Variants in CA10 observed in about 807,000 individuals in gnomAD.
The protein encoded by CA10 is carbonic anhydrase-related protein 10.
CA10 carries 14 observed loss-of-function variants against 44.2 expected under a neutral mutation model. That is an observed-to-expected ratio of 0.32 (90% CI 0.21 to 0.50). The LOEUF (loss-of-function observed/expected upper bound fraction) is 0.50. CA10 is among the 20% of genes least tolerant of loss of function. The pLI is 0.99. For synonymous variants in CA10, 159 were observed against 141.6 expected (o/e 1.12, Z -0.87); for missense variants, 350 against 409.7 (o/e 0.85, Z 1.26).
chr17:51,782,386 G>T (rs374258301), intron 3 of CA10, among the ~76,000 whole-genome samples: 10 of 152,196 alleles, frequency 6.6e-5, no homozygotes, highest in Admixed American at 1.3e-4. Flanking sequence ...GCTCATCAGT[G>T]AGGTCTCTTT....
At chr17:51,821,329 A>G (rs1358910508) in intron 3 of CA10, among the ~76,000 whole-genome samples, 1 of 151,782 alleles carries the variant, frequency 6.6e-6, no homozygotes, top group Non-Finnish European at 1.5e-5. Context: ...ACAGGTGGAA[A>G]GAGGGAAAGT....
intron 2 of CA10, among the ~76,000 whole-genome samples, chr17:51,980,829 G>A (rs1984628613): frequency 6.6e-6 from 1 of 152,014 alleles, no homozygotes; most frequent in Non-Finnish European, 1.5e-5. Context: ...GATAGTTGTA[G>A]GTGTGCAGCA....
At chr17:51,734,480 T>C (rs750220506) in intron 4 of CA10, among the ~76,000 whole-genome samples, 10 of 152,176 alleles carry the variant, frequency 6.6e-5, no homozygotes, top group Non-Finnish European at 1.5e-4. Context: ...TGTACTATAA[T>C]ATTACAGTTA....
chr17:51,661,490 T>A (rs989918088), intron 4 of CA10: 1 of 152,198 alleles, frequency 6.6e-6, no homozygotes, highest in African/African-American at 2.4e-5. Flanking sequence ...AATTCATAAC[T>A]AATACTCATA....
Position 51,782,283 on chromosome 17 carries a change from T to C in CA10, c.280-34465A>G, listed in dbSNP as rs140838812. Among the ~76,000 whole-genome samples, 309 of 152,356 alleles carry C rather than the reference T, an allele frequency of 2.0e-3. 2 individuals carry two copies. The highest frequency in any genetic ancestry group is 6.8e-3 in the African/African-American group (284 of 41,578). On this transcript the variant is annotated intron_variant, in intron 3 of 8. Transcript: ENST00000451037. Reference sequence around the variant, plus strand: ...AAATGAAAATATTTTTATCTGTTTATATGCTAAGCAGCATTATAACAGCTG... The same window carrying C: ...AAATGAAAATATTTTTATCTGTTTACATGCTAAGCAGCATTATAACAGCTG...
intron 3 of CA10, among the ~76,000 whole-genome samples, chr17:51,890,175 T>C (rs542982302): frequency 6.6e-6 from 1 of 152,344 alleles, no homozygotes; most frequent in East Asian, 1.9e-4. Flanking sequence ...AACTTCTGGT[T>C]GTTGTAACGC....
At chr17:52,114,179 AC>A (rs1158533987) in intron 1 of CA10, among the ~76,000 whole-genome samples, 1 of 152,144 alleles carries the variant, frequency 6.6e-6, no homozygotes, top group African/African-American at 2.4e-5. Flanking sequence ...CACTGCATCC[AC>A]CCTTATTTCC....
At chr17:51,761,375 C>T (rs1283196364) in intron 3 of CA10, 1 of 152,146 alleles carries the variant, frequency 6.6e-6, no homozygotes. Context: ...TAGTGCATAG[C>T]TTAGTGCTAT....
chr17:52,077,723 A>G (rs1858514126), intron 1 of CA10, among the ~76,000 whole-genome samples: 1 of 152,174 alleles, frequency 6.6e-6, no homozygotes, highest in Non-Finnish European at 1.5e-5. Flanking sequence ...TGTACTGCAG[A>G]AGGTATCTAT....
intron 2 of CA10, among the ~76,000 whole-genome samples, chr17:51,967,721 A>G (rs1256639175): frequency 6.6e-6 from 1 of 151,854 alleles, no homozygotes; most frequent in Admixed American, 6.6e-5. Flanking sequence ...CAAAGAGTTG[A>G]AAAACTGTCA....
chr17:51,875,061 C>T (rs906980345), intron 3 of CA10, among the ~76,000 whole-genome samples: 1 of 151,228 alleles, frequency 6.6e-6, no homozygotes, highest in South Asian at 2.1e-4. Context: ...GCAGGCTTGA[C>T]CTCCTGGGCT....
chr17:51,717,829 G>GTATATATATA (rs55932655), intron 4 of CA10, among the ~76,000 whole-genome samples: 17 of 7,914 alleles, frequency 2.1e-3, no homozygotes, highest in African/African-American at 3.4e-3. Context: ...ATATGTGTGT[G>GTATATATATA]TATATATATA....
At position 51,631,522 on chromosome 17, in the gene CA10, A is replaced by C. The variant is rs4525539; in HGVS notation, c.*62T>G. 3.3e-4 allele frequency: 470 copies of C among 1,424,830 alleles called. 6 individuals carry two copies. The East Asian group carries it at 0.011, about 32-fold the overall frequency. The allele number at this position is 1,424,830 out of a possible 1,614,324, so 88.3% of individuals were successfully genotyped here. A position where few individuals can be genotyped will look rare whatever the true frequency, so the allele number is the denominator to read the frequency against. ...AGAGAAGCAAGAAGGGGGACATTCT[A>C]GGTTACGTCAATTCACAGTTGTAGC... On this transcript the variant is annotated 3_prime_UTR_variant, in exon 9 of 9. Transcript: ENST00000451037.
At chr17:51,797,338 GCGCATGCGCGCGCA>G (rs1906748030) in intron 3 of CA10, among the ~76,000 whole-genome samples, 1 of 152,190 alleles carries the variant, frequency 6.6e-6, no homozygotes, top group Non-Finnish European at 1.5e-5. Flanking sequence ...TAGCACGCAG[GCGCATGCGCGCGCA>G]CGCACGCGTG....
At chr17:51,934,260 G>A (rs1250172234) in intron 2 of CA10, among the ~76,000 whole-genome samples, 1 of 152,062 alleles carries the variant, frequency 6.6e-6, no homozygotes, top group African/African-American at 2.4e-5. Flanking sequence ...TAGAGGCAGG[G>A]AGTAAAGTCC....
At chr17:51,680,930 C>T (rs1241533176) in intron 4 of CA10, among the ~76,000 whole-genome samples, 2 of 152,092 alleles carry the variant, frequency 1.3e-5, no homozygotes, top group African/African-American at 4.8e-5. Flanking sequence ...CCCAACATTC[C>T]CAGAGAGCCA....
At chr17:51,830,970 AC>A (rs1220642497) in intron 3 of CA10, among the ~76,000 whole-genome samples, 1 of 152,194 alleles carries the variant, frequency 6.6e-6, no homozygotes, top group Non-Finnish European at 1.5e-5. Flanking sequence ...AACTGCAGTT[AC>A]TTTTGCACCA....
intron 2 of CA10, among the ~76,000 whole-genome samples, chr17:52,055,264 C>CA (rs1339163276): frequency 1.3e-5 from 2 of 149,540 alleles, no homozygotes; most frequent in Non-Finnish European, 3.0e-5. Context: ...GATGAACTGT[C>CA]AGTAAAGTGT....
intron 4 of CA10, among the ~76,000 whole-genome samples, chr17:51,746,728 A>G (rs998521914): frequency 6.6e-5 from 10 of 152,226 alleles, no homozygotes; most frequent in African/African-American, 1.7e-4. Flanking sequence ...TTGGATGCAC[A>G]TTAAAATCTG....
Sources: gnomAD v4.1 joint callset for allele counts (sites outside exome capture counted in the v4.1 genomes callset) on GRCh38, gnomAD v4.1.1 for gene constraint, MANE v1.5 for transcripts, NCBI Gene and HGNC (gene_info 2026-07-23, HGNC 2026-07-21) for gene names.